GPR89A: variants seen among roughly 807,000 people sequenced by gnomAD.
GPR89A encodes the protein golgi pH regulator A, also known as G protein-coupled receptor 89A.
GPR89A carries 16 observed loss-of-function variants against 52.0 expected under a neutral mutation model. The observed-to-expected ratio is 0.31, with a 90% CI of 0.21 to 0.47. The LOEUF (loss-of-function observed/expected upper bound fraction) is 0.47. Among genes scored for constraint, GPR89A ranks in the 20% least tolerant of loss-of-function variants. GPR89A has a pLI of 1.00. For synonymous variants in GPR89A, 55 were observed against 150.9 expected, an observed-to-expected ratio of 0.36 and a Z score of 4.66; for missense variants, 135 against 449.4, an observed-to-expected ratio of 0.30 and a Z score of 6.33.
intron 10 of GPR89A, among the ~76,000 whole-genome samples, chr1:145,656,038 C>A (rs1438645446): frequency 6.6e-6 from 1 of 152,018 alleles, no homozygotes; most frequent in Non-Finnish European, 1.5e-5. Context: ...GGATCCGAGT[C>A]CCACCTAAAG....
At chr1:145,654,370 G>A (rs1205014284) in intron 10 of GPR89A, among the ~76,000 whole-genome samples, 1 of 151,528 alleles carries the variant, frequency 6.6e-6, no homozygotes, top group African/African-American at 2.4e-5. Flanking sequence ...TGGCTAACAC[G>A]GTGAAACCCC....
chr1:145,658,848 G>A (rs1651992384), intron 10 of GPR89A, among the ~76,000 whole-genome samples: 1 of 152,118 alleles, frequency 6.6e-6, no homozygotes, highest in African/African-American at 2.4e-5. Flanking sequence ...GGTGATCTCA[G>A]CTCACTTCGA....
intron 2 of GPR89A, among the ~76,000 whole-genome samples, chr1:145,617,709 C>T (rs1285552253): frequency 6.6e-6 from 1 of 151,928 alleles, no homozygotes; most frequent in African/African-American, 2.4e-5. Flanking sequence ...CCTGACTTCC[C>T]GCAACACAAG....
At chr1:145,626,918 C>T (rs1416849278) in intron 5 of GPR89A, among the ~76,000 whole-genome samples, 3 of 123,036 alleles carry the variant, frequency 2.4e-5, no homozygotes, top group Admixed American at 1.7e-4. Flanking sequence ...GTGCCACTCC[C>T]CTCCAGCCTG....
Position 145,663,383 on chromosome 1 carries a change from G to A in GPR89A, c.964G>A (p.Gly322Ser), listed in dbSNP as rs782438630. 1.2e-6 allele frequency: 2 copies of A among 1,610,726 alleles called. No individual in the cohort carries two copies. The highest frequency in any genetic ancestry group is 2.2e-4 in the Middle Eastern group (1 of 4,448). ...RVGKTDPVTR[G>S]IEITVNYLGI... ...TGGGAAAACGGATCCTGTCACAAGAGGCATTGAGATCACTGTGAATTATCT... is the reference window on the plus strand; with the variant it reads ...TGGGAAAACGGATCCTGTCACAAGAAGCATTGAGATCACTGTGAATTATCT... The change falls in exon 11 of 14, where the codon GGC becomes AGC. Residue 322 changes from glycine to serine, a missense_variant. Gly to Ser is a moderately conservative substitution (Grantham distance 56, BLOSUM62 0). This residue lies in a region of GPR89A where 28 missense variants were observed against 61.6 expected (regional missense o/e 0.45). Transcript: ENST00000313835.
Position 145,666,557 on chromosome 1 carries a change from T to A in GPR89A, c.1095+906T>A, listed in dbSNP as rs587669479. ...AGGACCTACTGAATTCAACTATTTT[T>A]TTTTTTTAAATTATACTTTAAGTTC... On this transcript the variant is annotated intron_variant, in intron 12 of 13. Coordinates refer to ENST00000313835, the MANE Select transcript of GPR89A (RefSeq NM_001097612.2). 6.8e-4 allele frequency among the ~76,000 whole-genome samples: 104 copies of A among 152,236 alleles called. 3 individuals are homozygous for A. Among genetic ancestry groups the A allele is most frequent in the African/African-American group, 2.4e-3 (100 of 41,536 alleles).
chr1:145,665,419 T>C (rs1652488611), intron 11 of GPR89A, 143 bp from the exon 12 acceptor site: 11 of 927,112 alleles, frequency 1.2e-5, no homozygotes, highest in Non-Finnish European at 1.7e-5. Context: ...CCTACTTGCT[T>C]TCCTCTCTCC....
intron 7 of GPR89A, among the ~76,000 whole-genome samples, chr1:145,632,034 A>T (rs1191570936): frequency 1.2e-4 from 13 of 104,532 alleles, no homozygotes; most frequent in Non-Finnish European, 2.5e-4. Flanking sequence ...AAATTTTTTT[A>T]AAAAGATTTA....
intron 10 of GPR89A, among the ~76,000 whole-genome samples, chr1:145,652,295 C>T (rs1259864761): frequency 2.0e-5 from 3 of 152,088 alleles, no homozygotes; most frequent in African/African-American, 7.2e-5. Flanking sequence ...TGATGGATTA[C>T]GTTTACTGAT....
intron 3 of GPR89A, among the ~76,000 whole-genome samples, chr1:145,619,656 C>T: frequency 6.6e-6 from 1 of 152,064 alleles, no homozygotes; most frequent in Middle Eastern, 3.4e-3. Flanking sequence ...CTTGATAGAA[C>T]AATGAATAAC....
At chr1:145,647,879 C>CTATATATATA (rs782172827) in intron 10 of GPR89A, among the ~76,000 whole-genome samples, 12 of 24,666 alleles carry the variant, frequency 4.9e-4, no homozygotes, top group African/African-American at 1.5e-3. Flanking sequence ...CTCTCTCTCT[C>CTATATATATA]TATATATATA....
chr1:145,616,420 C>T lies in GPR89A; in HGVS notation c.102+127C>T, dbSNP rs1170560209. 4.1e-5 allele frequency: 31 copies of T among 762,310 alleles called. No individual in the cohort carries two copies. In the African/African-American group the frequency reaches 4.4e-4, roughly 11 times the overall value. 47.2% of individuals were successfully genotyped at this position (762,310 alleles called of 1,614,324 possible). On this transcript the variant is annotated intron_variant, in intron 2 of 13. Transcript: ENST00000313835. ...CTTTTACCAAATAAGTACTATATAA[C>T]TATTAGATTGCAGAATATAAGTAGA... is the stretch of plus-strand genomic sequence containing the variant.
chr1:145,657,505 T>C (rs1270025897), intron 10 of GPR89A, among the ~76,000 whole-genome samples: 3 of 151,998 alleles, frequency 2.0e-5, no homozygotes, highest in Non-Finnish European at 2.9e-5. Context: ...CCTTAGAGAA[T>C]GAGTTGAGAA....
At chr1:145,657,970 A>G (rs1352754232) in intron 10 of GPR89A, among the ~76,000 whole-genome samples, 1 of 151,882 alleles carries the variant, frequency 6.6e-6, no homozygotes, top group East Asian at 1.9e-4. Flanking sequence ...GAACATTTTT[A>G]TCAAGCCAAA....
At chr1:145,629,163 C>G in intron 5 of GPR89A, among the ~76,000 whole-genome samples, 1 of 152,094 alleles carries the variant, frequency 6.6e-6, no homozygotes, top group Non-Finnish European at 1.5e-5. Flanking sequence ...TATCCCAGAA[C>G]TCACATATAA....
intron 1 of GPR89A, chr1:145,612,348 G>C (rs1648354650): frequency 6.6e-6 from 1 of 152,096 alleles, no homozygotes; most frequent in South Asian, 2.1e-4. Context: ...AGAAAACGGG[G>C]TTCCCCTACT....
intron 10 of GPR89A, among the ~76,000 whole-genome samples, chr1:145,647,668 G>T (rs1553692837): frequency 6.6e-6 from 1 of 151,220 alleles, no homozygotes. Context: ...GCTGGGTGTG[G>T]TGGTGGGCCG....
intron 10 of GPR89A, among the ~76,000 whole-genome samples, chr1:145,649,182 GT>G (rs1286056083): frequency 6.6e-6 from 1 of 151,686 alleles, no homozygotes; most frequent in Admixed American, 6.6e-5. Context: ...AACTGGGTAC[GT>G]TTTGACATAC....
At chr1:145,608,561 T>C in intron 1 of GPR89A, 7 of 586,998 alleles carry the variant, frequency 1.2e-5, no homozygotes, top group Non-Finnish European at 1.9e-5. Flanking sequence ...GGGCGCGCGG[T>C]GTGCGACGCG....
Sources: gnomAD v4.1 joint callset for allele counts (sites outside exome capture counted in the v4.1 genomes callset) on GRCh38, gnomAD v4.1.1 for gene constraint, gnomAD v4.1.1 regional missense constraint, MANE v1.5 for transcripts, NCBI Gene and HGNC (gene_info 2026-07-23, HGNC 2026-07-21) for gene names.